The following TMTC1 variants were observed in gnomAD, a reference collection of about 807,000 sequenced individuals.
TMTC1 encodes transmembrane O-mannosyltransferase targeting cadherins 1.
A neutral mutation model predicts 104.8 loss-of-function variants in TMTC1; 73 were observed. The ratio of observed to expected loss-of-function variants is 0.70; its 90% CI spans 0.58 to 0.85. TMTC1 has a LOEUF of 0.85. Among genes scored for constraint, TMTC1 ranks in the 40% least tolerant of loss-of-function variants. The pLI, the probability that TMTC1 is intolerant of heterozygous loss-of-function variation, is 0.00. For synonymous variants in TMTC1, 434 were observed against 428.7 expected (o/e 1.01, Z -0.15); for missense variants, 1,035 against 1,096.1 (o/e 0.94, Z 0.79).
chr12:29,594,708 C>T (rs1184180304), intron 7 of TMTC1, among the ~76,000 whole-genome samples: 1 of 152,208 alleles, frequency 6.6e-6, no homozygotes, highest in Non-Finnish European at 1.5e-5. Flanking sequence ...CCACATCCTC[C>T]CCGCAAAGTT....
At chr12:29,708,639 C>A (rs1021940222) in intron 5 of TMTC1, among the ~76,000 whole-genome samples, 5 of 152,212 alleles carry the variant, frequency 3.3e-5, no homozygotes, top group African/African-American at 4.8e-5. Context: ...AAAGTCAACA[C>A]CAACTGCTGA....
At chr12:29,636,533 G>GA (rs1040549185) in intron 5 of TMTC1, among the ~76,000 whole-genome samples, 1 of 152,050 alleles carries the variant, frequency 6.6e-6, no homozygotes, top group African/African-American at 2.4e-5. Context: ...GTTACCAAAA[G>GA]AAAAATGCTT....
intron 11 of TMTC1, chr12:29,534,468 T>C (rs568839214): frequency 6.6e-6 from 1 of 152,372 alleles, no homozygotes; most frequent in South Asian, 2.1e-4. Flanking sequence ...TCATCATTTG[T>C]TGTTCTTAAC....
At chr12:29,692,078 A>G (rs1433231978) in intron 5 of TMTC1, among the ~76,000 whole-genome samples, 3 of 145,630 alleles carry the variant, frequency 2.1e-5, no homozygotes, top group African/African-American at 7.5e-5. Flanking sequence ...ATTACTCTCA[A>G]CAAAGAATGT....
rs1943689010 is a variant in TMTC1, at chr12:29,506,106, C to T, written c.*740G>A. ...CACTTTTGAAATCTTAGAGTAGAACCACCACTCTAGTAATACTTGTAATAA... is the reference window on the plus strand; with the variant it reads ...CACTTTTGAAATCTTAGAGTAGAACTACCACTCTAGTAATACTTGTAATAA... On this transcript the variant is annotated 3_prime_UTR_variant, in exon 18 of 18. Coordinates refer to ENST00000539277, the MANE Select transcript of TMTC1 (RefSeq NM_001193451.2). 1 of 152,000 alleles carries T rather than the reference C, an allele frequency of 6.6e-6. No homozygotes were observed. The highest frequency in any genetic ancestry group is 6.6e-5 in the Admixed American group (1 of 15,252). The allele number at this position is 152,000 out of a possible 1,614,324, so 9.4% of individuals were successfully genotyped here.
chr12:29,578,259 T>C (rs1945879211), intron 8 of TMTC1, among the ~76,000 whole-genome samples: 1 of 152,110 alleles, frequency 6.6e-6, no homozygotes, highest in East Asian at 1.9e-4. Context: ...ATCGTTGGTT[T>C]TGACCTTTAT....
At chr12:29,744,848 A>G (rs556582258) in intron 5 of TMTC1, among the ~76,000 whole-genome samples, 2 of 152,356 alleles carry the variant, frequency 1.3e-5, no homozygotes, top group East Asian at 1.9e-4. Context: ...CACTATTCCA[A>G]TAAACACAGT....
At chr12:29,728,335 G>T (rs1942456447) in intron 5 of TMTC1, among the ~76,000 whole-genome samples, 1 of 152,112 alleles carries the variant, frequency 6.6e-6, no homozygotes, top group Non-Finnish European at 1.5e-5. Context: ...GGAGGAGGAG[G>T]CCACGCAAAC....
chr12:29,676,676 G>A (rs767285446), intron 5 of TMTC1, among the ~76,000 whole-genome samples: 32 of 152,182 alleles, frequency 2.1e-4, no homozygotes, highest in Admixed American at 9.2e-4. Context: ...TCTTCAAGAC[G>A]TGAGGACACG....
At position 29,504,119 on chromosome 12, in the gene TMTC1, A is replaced by G. The variant is rs746533572; in HGVS notation, c.*2727T>C. On this transcript the variant is annotated 3_prime_UTR_variant, in exon 18 of 18. Coordinates refer to ENST00000539277, the MANE Select transcript of TMTC1 (RefSeq NM_001193451.2). ...AAAAATAAATAAGAAAAAATCAAAC[A>G]GACATTCAACTGAGCTCGGGGTGCT... 4 of 151,802 alleles carry G rather than the reference A, an allele frequency of 2.6e-5. No individual in the cohort carries two copies. The highest frequency in any genetic ancestry group is 5.9e-5 in the Non-Finnish European group (4 of 67,924). The allele number at this position is 151,802 out of a possible 1,614,324, so 9.4% of individuals were successfully genotyped here. A position where few individuals can be genotyped will look rare whatever the true frequency, so the allele number is the denominator to read the frequency against.
intron 7 of TMTC1, among the ~76,000 whole-genome samples, chr12:29,584,200 G>C (rs117587106): frequency 0.02 from 3,113 of 152,240 alleles, 38 homozygotes; most frequent in Middle Eastern, 0.061. Flanking sequence ...GGTAGGTGCA[G>C]GGTTAACATG....
rs78974518 is a variant in TMTC1, at chr12:29,704,712, C to T, written c.938+46954G>A. On this transcript the variant is annotated intron_variant, in intron 5 of 17. Transcript: ENST00000539277. ...AAAATGAAGCCAAAAAGGAATATAACACCTTGAAGAGTGTGCTGACAGCAC... is the reference window on the plus strand; with the variant it reads ...AAAATGAAGCCAAAAAGGAATATAATACCTTGAAGAGTGTGCTGACAGCAC... Among the ~76,000 whole-genome samples, 328 of 152,296 alleles carry T rather than the reference C, an allele frequency of 2.2e-3. 1 individual carries two copies. The highest frequency in any genetic ancestry group is 7.6e-3 in the African/African-American group (314 of 41,570).
At chr12:29,764,332 C>A (rs679087) in intron 2 of TMTC1, among the ~76,000 whole-genome samples, 37,031 of 151,842 alleles carry the variant, frequency 0.24, 5,627 homozygotes, top group Non-Finnish European at 0.35. Context: ...ATAAAGTATA[C>A]TATATGTATA....
At chr12:29,559,881 A>C (rs1945336405) in intron 9 of TMTC1, among the ~76,000 whole-genome samples, 1 of 152,230 alleles carries the variant, frequency 6.6e-6, no homozygotes, top group African/African-American at 2.4e-5. Context: ...GCTGAATTTC[A>C]TGAAAAGGAT....
intron 5 of TMTC1, among the ~76,000 whole-genome samples, chr12:29,730,894 T>A (rs1164840005): frequency 6.6e-6 from 1 of 152,152 alleles, no homozygotes; most frequent in Non-Finnish European, 1.5e-5. Flanking sequence ...TTTGTTAATA[T>A]GAAGCAGGAA....
At chr12:29,761,582 G>GTTT (rs10696109) in intron 2 of TMTC1, among the ~76,000 whole-genome samples, 15,439 of 149,308 alleles carry the variant, frequency 0.1, 923 homozygotes, top group East Asian at 0.19. Flanking sequence ...TGCATTTCTC[G>GTTT]TTTTTTTTTT....
intron 5 of TMTC1, among the ~76,000 whole-genome samples, chr12:29,724,467 T>C (rs979462787): frequency 6.6e-6 from 1 of 152,256 alleles, no homozygotes; most frequent in East Asian, 1.9e-4. Flanking sequence ...AAAAGCACTA[T>C]TGACAGGAAA....
rs1271979263 is a variant in TMTC1, at chr12:29,593,165, G to T, written c.1251-9591C>A. On this transcript the variant is annotated intron_variant, in intron 7 of 17. Transcript: ENST00000539277. ...CTTCTCTGCCATCCGTGAGTTCTGT[G>T]GGCACAGGACAATCTCTCATGGAGC... Among the ~76,000 whole-genome samples, 3 of 152,148 alleles carry T rather than the reference G, an allele frequency of 2.0e-5. No individual in the cohort carries two copies. The East Asian group carries it at 5.8e-4, about 29-fold the overall frequency.
In TMTC1 at chr12:29,688,802, A is replaced by G. The variant is rs569418038; in HGVS notation, c.939-55466T>C. Among the ~76,000 whole-genome samples, 4 of 152,368 alleles carry G rather than the reference A, an allele frequency of 2.6e-5. 1 individual carries two copies. Among genetic ancestry groups the G allele is most frequent in the African/African-American group, 9.6e-5 (4 of 41,590 alleles). ...GTAAAAAACTTTAAAAATAATAGTT[A>G]TATTACAACCCAACCCCCAACCCCC... is the stretch of plus-strand genomic sequence containing the variant. On this transcript the variant is annotated intron_variant, in intron 5 of 17. Transcript: ENST00000539277.
Sources: allele counts gnomAD v4.1 joint callset (sites outside exome capture counted in the v4.1 genomes callset), GRCh38; gene constraint gnomAD v4.1.1; transcripts MANE v1.5; gene names NCBI Gene and HGNC (gene_info 2026-07-23, HGNC 2026-07-21).